Variants in GAS2 observed in about 807,000 individuals in gnomAD.
GAS2 encodes growth arrest-specific protein 2.
A neutral mutation model predicts 37.5 loss-of-function variants in GAS2; 20 were observed. The ratio of observed to expected loss-of-function variants is 0.53; its 90% CI spans 0.37 to 0.77. The LOEUF (loss-of-function observed/expected upper bound fraction) is 0.77, where lower values mean the gene tolerates loss of function less well. GAS2 is among the 30% of genes least tolerant of loss of function. The pLI is 0.00. For synonymous variants in GAS2, 144 were observed against 132.2 expected, an observed-to-expected ratio of 1.09 and a Z score of -0.61; for missense variants, 336 against 373.4, an observed-to-expected ratio of 0.90 and a Z score of 0.82.
chr11:22,742,402 T>C (rs192000618), intron 5 of GAS2, among the ~76,000 whole-genome samples: 2 of 152,204 alleles, frequency 1.3e-5, no homozygotes, highest in East Asian at 1.9e-4. Flanking sequence ...AAGCAGCCTT[T>C]TGGAGAACAG....
At chr11:22,680,474 A>T (rs1849626890) in intron 2 of GAS2, among the ~76,000 whole-genome samples, 4 of 152,134 alleles carry the variant, frequency 2.6e-5, no homozygotes. Flanking sequence ...GAGCATATGA[A>T]CCACTTTGAA....
chr11:22,708,773 G>C (rs1851255208), intron 3 of GAS2, among the ~76,000 whole-genome samples: 1 of 152,166 alleles, frequency 6.6e-6, no homozygotes, highest in Non-Finnish European at 1.5e-5. Context: ...AGCCTAAAAG[G>C]AAAGATAGTT....
At chr11:22,648,242 G>A (rs898961061) in intron 1 of GAS2, among the ~76,000 whole-genome samples, 161 of 151,994 alleles carry the variant, frequency 1.1e-3, no homozygotes, top group African/African-American at 3.7e-3. Flanking sequence ...GTAGATATGC[G>A]GCGTTATTTC....
intron 3 of GAS2, among the ~76,000 whole-genome samples, chr11:22,710,323 A>G (rs1406077113): frequency 1.3e-5 from 2 of 152,144 alleles, no homozygotes; most frequent in Non-Finnish European, 2.9e-5. Context: ...TCTCATACAT[A>G]ATTTACAGAT....
intron 5 of GAS2, among the ~76,000 whole-genome samples, chr11:22,739,572 C>CAAAAAAAAAAAA (rs71037525): frequency 1.5e-5 from 1 of 64,650 alleles, no homozygotes; most frequent in Non-Finnish European, 3.0e-5. Context: ...GATTCGCTCT[C>CAAAAAAAAAAAA]AAAAAAAAAA....
At chr11:22,655,964 G>A (rs1848849432) in intron 1 of GAS2, among the ~76,000 whole-genome samples, 1 of 151,794 alleles carries the variant, frequency 6.6e-6, no homozygotes, top group South Asian at 2.1e-4. Flanking sequence ...GTTCTTAGTG[G>A]GTCATACGTT....
intron 7 of GAS2, among the ~76,000 whole-genome samples, chr11:22,782,058 G>T (rs1324779123): frequency 6.6e-6 from 1 of 152,128 alleles, no homozygotes; most frequent in African/African-American, 2.4e-5. Flanking sequence ...AATAACATTT[G>T]CTGATAAAGT....
chr11:22,774,080 G>A (rs1855127528), intron 7 of GAS2, among the ~76,000 whole-genome samples: 1 of 152,074 alleles, frequency 6.6e-6, no homozygotes, highest in Admixed American at 6.5e-5. Flanking sequence ...TGCAACCTCC[G>A]CCTCCCGGGT....
intron 2 of GAS2, 143 bp downstream of exon 2, chr11:22,675,157 G>A (rs563056380): frequency 1.5e-4 from 117 of 800,652 alleles, no homozygotes; most frequent in Non-Finnish European, 1.4e-4. Flanking sequence ...TGGGAAACCT[G>A]AAGCAGGTGG....
rs556120454 is a variant in GAS2, at chr11:22,768,069, T to G, written c.723+12116T>G. Reference sequence around the variant, plus strand: ...ATCAACTTTTAGTTCACTGAAATGGTGTATTAACATTTTCATTTGAAGGCT... The same window carrying G: ...ATCAACTTTTAGTTCACTGAAATGGGGTATTAACATTTTCATTTGAAGGCT... On this transcript the variant is annotated intron_variant, in intron 7 of 7. Transcript: ENST00000454584. 2.6e-5 allele frequency among the ~76,000 whole-genome samples: 4 copies of G among 152,288 alleles called. No individual in the cohort carries two copies. In the South Asian group the frequency reaches 8.3e-4, roughly 32 times the overall value.
intron 7 of GAS2, among the ~76,000 whole-genome samples, chr11:22,772,459 T>C (rs1188564929): frequency 1.3e-5 from 2 of 152,230 alleles, no homozygotes; most frequent in African/African-American, 4.8e-5. Context: ...TTCATCAGTA[T>C]CTTTTAAAGG....
chr11:22,651,253 G>A (rs376438103), intron 1 of GAS2, among the ~76,000 whole-genome samples: 13 of 152,192 alleles, frequency 8.5e-5, no homozygotes, highest in Non-Finnish European at 1.6e-4. Context: ...GGCCCCCACT[G>A]TCTTCTGGCT....
chr11:22,732,770 TATC>T (rs35919121), intron 4 of GAS2, among the ~76,000 whole-genome samples: 4,088 of 145,898 alleles, frequency 0.028, 73 homozygotes, highest in Middle Eastern at 0.058. Flanking sequence ...CCCCTCCATT[TATC>T]ATCATCATCA....
chr11:22,737,693 C>T lies in GAS2; in HGVS notation c.410-12C>T. On this transcript the variant is annotated splice_polypyrimidine_tract_variant and intron_variant, in intron 4 of 7. Coordinates refer to ENST00000454584, the MANE Select transcript of GAS2 (RefSeq NM_001143830.3). ...CTATTGTAAAGGTGTTCGCCTCTGT[C>T]TTGTCTTTCAGTCCTCCACAAGCAA... is the stretch of plus-strand genomic sequence containing the variant. 6.2e-7 allele frequency: 1 copy of T among 1,613,946 alleles called. No individual in the cohort carries two copies. The highest frequency in any genetic ancestry group is 8.5e-7 in the Non-Finnish European group (1 of 1,179,820).
rs1035274058 is a variant in GAS2, at chr11:22,812,061, C to T, written c.*45C>T. The T allele has an allele frequency of 2.9e-6, 4 of 1,375,080 alleles. No homozygotes were observed. Among genetic ancestry groups the T allele is most frequent in the Non-Finnish European group, 4.1e-6 (4 of 963,912 alleles). 85.2% of individuals were successfully genotyped at this position (1,375,080 alleles called of 1,614,324 possible). ...GGGGACCCTCATAATGGCCTGTATC[C>T]ACTTCTCCAGTATAGTCAGTTTAGT... On this transcript the variant is annotated 3_prime_UTR_variant, in exon 8 of 8. Coordinates refer to ENST00000454584, the MANE Select transcript of GAS2 (RefSeq NM_001143830.3).
At chr11:22,772,825 T>C (rs906317026) in intron 7 of GAS2, among the ~76,000 whole-genome samples, 7 of 152,194 alleles carry the variant, frequency 4.6e-5, no homozygotes, top group African/African-American at 1.7e-4. Context: ...AATGACAGCA[T>C]TGGCATTATC....
intron 7 of GAS2, among the ~76,000 whole-genome samples, chr11:22,783,482 A>G (rs1196957490): frequency 2.0e-5 from 3 of 152,078 alleles, no homozygotes; most frequent in Admixed American, 2.0e-4. Context: ...TTTTATTGCA[A>G]TGCTCTTGAG....
intron 1 of GAS2, among the ~76,000 whole-genome samples, chr11:22,642,804 T>C (rs1848645170): frequency 6.6e-6 from 1 of 152,208 alleles, no homozygotes; most frequent in Non-Finnish European, 1.5e-5. Flanking sequence ...TTTATAGGTA[T>C]ATGATAATGT....
At chr11:22,685,088 C>G (rs1303512954) in intron 2 of GAS2, among the ~76,000 whole-genome samples, 2 of 151,820 alleles carry the variant, frequency 1.3e-5, no homozygotes, top group Admixed American at 6.6e-5. Flanking sequence ...TTGCTTGAGC[C>G]CAAGGAGCTC....
Sources: allele counts gnomAD v4.1 joint callset (sites outside exome capture counted in the v4.1 genomes callset), GRCh38; gene constraint gnomAD v4.1.1; transcripts MANE v1.5; gene names NCBI Gene and HGNC (gene_info 2026-07-23, HGNC 2026-07-21).